Variants in DPF3 observed in about 807,000 individuals in gnomAD.
DPF3 encodes the protein double PHD fingers 3.
In DPF3, 18 loss-of-function variants were observed where a neutral mutation model predicts 56.8. The ratio of observed to expected loss-of-function variants is 0.32; its 90% CI spans 0.22 to 0.47. The LOEUF is 0.47. Among genes scored for constraint, DPF3 ranks in the 20% least tolerant of loss-of-function variants. DPF3 has a pLI of 1.00. For missense variants in DPF3, 403 were observed against 488.8 expected (o/e 0.82, Z 1.65); for synonymous variants, 188 against 180.2 (o/e 1.04, Z -0.35).
intron 5 of DPF3, among the ~76,000 whole-genome samples, chr14:72,715,544 A>G (rs1017875597): frequency 1.3e-5 from 2 of 151,972 alleles, no homozygotes; most frequent in African/African-American, 2.4e-5. Context: ...TGCAGGGGAA[A>G]TGGGGCAGCC....
At chr14:72,821,121 G>A (rs1219944856) in intron 1 of DPF3, among the ~76,000 whole-genome samples, 6 of 135,114 alleles carry the variant, frequency 4.4e-5, no homozygotes, top group Admixed American at 4.3e-4. Flanking sequence ...GCAACAGAGT[G>A]AAACTCTATC....
chr14:72,635,554 C>A (rs569953224), intron 8 of DPF3, among the ~76,000 whole-genome samples: 8 of 152,282 alleles, frequency 5.3e-5, no homozygotes, highest in Non-Finnish European at 1.2e-4. Context: ...ACAACTGCCC[C>A]AACACAAGGG....
chr14:72,742,229 G>A (rs1233032086), intron 3 of DPF3, among the ~76,000 whole-genome samples: 1 of 152,192 alleles, frequency 6.6e-6, no homozygotes, highest in Middle Eastern at 3.2e-3. Context: ...CTCTGACACT[G>A]CAGGAAAGAG....
At chr14:72,874,338 G>C (rs1389662400) in intron 1 of DPF3, among the ~76,000 whole-genome samples, 1 of 151,770 alleles carries the variant, frequency 6.6e-6, no homozygotes, top group East Asian at 1.9e-4. Flanking sequence ...AATTAGCCAG[G>C]CATGGTGATG....
intron 8 of DPF3, among the ~76,000 whole-genome samples, chr14:72,672,711 AC>A (rs936762999): frequency 6.6e-6 from 1 of 152,102 alleles, no homozygotes; most frequent in African/African-American, 2.4e-5. Flanking sequence ...CGATTCTAGC[AC>A]CCCTCTTTTG....
chr14:72,665,796 C>T (rs1287126667), intron 8 of DPF3, among the ~76,000 whole-genome samples: 1 of 152,176 alleles, frequency 6.6e-6, no homozygotes, highest in African/African-American at 2.4e-5. Context: ...ATGTGAATTT[C>T]CTGATTGTGA....
chr14:72,842,296 T>C (rs1220382490), intron 1 of DPF3, among the ~76,000 whole-genome samples: 1 of 152,048 alleles, frequency 6.6e-6, no homozygotes, highest in Admixed American at 6.6e-5. Context: ...CCAGCACCAC[T>C]ACTCATGGAA....
chr14:72,858,441 C>T (rs1373512907), intron 1 of DPF3, among the ~76,000 whole-genome samples: 1 of 152,166 alleles, frequency 6.6e-6, no homozygotes, highest in Admixed American at 6.5e-5. Flanking sequence ...TCCAGCCCCA[C>T]AGGCACCCTG....
chr14:72,804,242 C>A (rs903267349), intron 1 of DPF3, among the ~76,000 whole-genome samples: 1 of 151,500 alleles, frequency 6.6e-6, no homozygotes, highest in African/African-American at 2.4e-5. Context: ...AAGATTCCCC[C>A]CTTCCAGATC....
At chr14:72,672,350 G>A (rs912547270) in intron 8 of DPF3, among the ~76,000 whole-genome samples, 1 of 152,144 alleles carries the variant, frequency 6.6e-6, no homozygotes, top group African/African-American at 2.4e-5. Context: ...AGGGTAGATG[G>A]GAGGGGAAGG....
chr14:72,699,705 C>T (rs1717786652), intron 6 of DPF3, among the ~76,000 whole-genome samples: 1 of 152,116 alleles, frequency 6.6e-6, no homozygotes, highest in African/African-American at 2.4e-5. Flanking sequence ...AGTAAATTGA[C>T]TCACAGCAAC....
intron 3 of DPF3, among the ~76,000 whole-genome samples, chr14:72,750,172 T>C (rs572410823): frequency 6.6e-5 from 10 of 152,356 alleles, no homozygotes; most frequent in Non-Finnish European, 1.5e-4. Context: ...TTAGTATACC[T>C]ATCAATAGTA....
At chr14:72,671,864 C>T (rs1040435430) in intron 8 of DPF3, among the ~76,000 whole-genome samples, 7 of 152,176 alleles carry the variant, frequency 4.6e-5, no homozygotes, top group African/African-American at 7.2e-5. Flanking sequence ...CCCATTCTTT[C>T]AGAACCCTTT....
chr14:72,887,646 G>A (rs958753664), intron 1 of DPF3, among the ~76,000 whole-genome samples: 1 of 151,568 alleles, frequency 6.6e-6, no homozygotes, highest in Non-Finnish European at 1.5e-5. Flanking sequence ...GGAATTTGGG[G>A]AATCAAAGTA....
intron 3 of DPF3, among the ~76,000 whole-genome samples, chr14:72,741,290 G>T (rs189377329): frequency 6.6e-6 from 1 of 152,096 alleles, no homozygotes; most frequent in Non-Finnish European, 1.5e-5. Flanking sequence ...GAATAACCCC[G>T]CAAAATCACC....
At chr14:72,714,120 A>G (rs1229292733) in intron 6 of DPF3, among the ~76,000 whole-genome samples, 1 of 152,206 alleles carries the variant, frequency 6.6e-6, no homozygotes, top group Non-Finnish European at 1.5e-5. Context: ...AAGGAGACAG[A>G]GCGCGTGAGA....
At chr14:72,838,443 G>A (rs1306480953) in intron 1 of DPF3, among the ~76,000 whole-genome samples, 3 of 152,144 alleles carry the variant, frequency 2.0e-5, no homozygotes, top group Non-Finnish European at 2.9e-5. Context: ...GCCATGAGTC[G>A]AGATCGAGCC....
At chr14:72,859,812 C>T (rs1477354413) in intron 1 of DPF3, among the ~76,000 whole-genome samples, 1 of 152,124 alleles carries the variant, frequency 6.6e-6, no homozygotes, top group African/African-American at 2.4e-5. Flanking sequence ...TCTCCCATCC[C>T]TCCCAGATTT....
chr14:72,661,958 T>C, intron 8 of DPF3: 6 of 984,618 alleles, frequency 6.1e-6, no homozygotes, highest in Non-Finnish European at 7.2e-6. Flanking sequence ...TGGAATTCCT[T>C]CCTGAGCTAG....
Sources: allele counts gnomAD v4.1 joint callset (sites outside exome capture counted in the v4.1 genomes callset), GRCh38; gene constraint gnomAD v4.1.1; transcripts MANE v1.5; gene names NCBI Gene and HGNC (gene_info 2026-07-23, HGNC 2026-07-21).